The following ZNF273 variants were observed in gnomAD, a reference collection of about 807,000 sequenced individuals.
ZNF273 encodes the protein zinc finger protein 9.
Under a neutral mutation model 14.9 loss-of-function variants are expected in ZNF273, and 11 were observed. The ratio of observed to expected loss-of-function variants is 0.74; its 90% CI spans 0.46 to 1.22. ZNF273 has a LOEUF of 1.22. Among genes scored for constraint, ZNF273 ranks in the 50% most tolerant of loss-of-function variants. The pLI is 0.00. For synonymous variants in ZNF273, 199 were observed against 223.9 expected (o/e 0.89, Z 0.99); for missense variants, 577 against 660.6 (o/e 0.87, Z 1.39).
downstream of ZNF273, among the ~76,000 whole-genome samples, chr7:64,891,124 T>C (rs1792008109): frequency 6.6e-6 from 1 of 152,178 alleles, no homozygotes; most frequent in Non-Finnish European, 1.5e-5. Flanking sequence ...CAGGATGATG[T>C]CTTCTGGGCT....
rs1248102308 is a variant in ZNF273 at position 64,928,876 on chromosome 7, T to C, written c.1548T>C (p.Cys516=). ...RIHTGEKPYK[C]EECGKAFNRS... is the part of the protein sequence containing the mutation. Reference sequence around the variant, plus strand: ...ATACTGGAGAGAAGCCCTACAAATGTGAAGAATGTGGCAAAGCTTTTAACC... The same window carrying C: ...ATACTGGAGAGAAGCCCTACAAATGCGAAGAATGTGGCAAAGCTTTTAACC... The change falls in exon 4 of 4, where the codon TGT becomes TGC. Residue 516 remains cysteine (C), a synonymous_variant. Coordinates refer to ENST00000476120, the MANE Select transcript of ZNF273 (RefSeq NM_021148.3). 6.2e-6 allele frequency: 10 copies of C among 1,614,026 alleles called. No homozygotes were observed. The highest frequency in any genetic ancestry group is 8.5e-6 in the Non-Finnish European group (10 of 1,179,940).
At chr7:64,878,700 C>T (rs1032694849) in intron 2 of ZNF273, among the ~76,000 whole-genome samples, 3 of 152,228 alleles carry the variant, frequency 2.0e-5, no homozygotes, top group Admixed American at 1.3e-4. Flanking sequence ...GCCTCTCTGG[C>T]CGGCTCTTCC....
intron 1 of ZNF273, among the ~76,000 whole-genome samples, chr7:64,905,275 C>T (rs1428534146): frequency 6.6e-6 from 1 of 151,882 alleles, no homozygotes; most frequent in Non-Finnish European, 1.5e-5. Flanking sequence ...GCCGACACAC[C>T]TGGCTAATTT....
downstream of ZNF273, chr7:64,889,462 G>T (rs1288011138): frequency 1.0e-6 from 1 of 985,922 alleles, no homozygotes; most frequent in African/African-American, 1.7e-5. The surrounding 1 kb of genome is among the most constrained non-coding windows in gnomAD (Gnocchi z 4.2). Context: ...CTTTCCTGGG[G>T]CTGCGTCCCC....
chr7:64,911,373 C>T (rs62455121), intron 1 of ZNF273, among the ~76,000 whole-genome samples: 68,088 of 151,102 alleles, frequency 0.45, 15,601 homozygotes, highest in Admixed American at 0.51. Flanking sequence ...AAGTGATTCT[C>T]CTGCTCCAGC....
intron 3 of ZNF273, among the ~76,000 whole-genome samples, chr7:64,920,946 G>C (rs373283168): frequency 1.3e-5 from 2 of 151,950 alleles, no homozygotes; most frequent in South Asian, 2.1e-4. Flanking sequence ...TGTTGTGAGG[G>C]GATAAATGAA....
At chr7:64,897,547 C>G (rs990288991) in exon 4 of ZNF273, 1 of 151,784 alleles carries the variant, frequency 6.6e-6, no homozygotes, top group Non-Finnish European at 1.5e-5. Context: ...AGCATGGTCT[C>G]GATCTCCTGA....
chr7:64,928,029 A>G lies in ZNF273; in HGVS notation c.701A>G (p.Tyr234Cys), dbSNP rs772191333. ...AAAACTGCTACTAGAGTGAATTTCT[A>G]CAAATGTAAGACATGTGGAAAAGCC... ...HKKTATRVNFYKCKTCGKAFN... is the reference protein window; with the variant it reads ...HKKTATRVNFCKCKTCGKAFN... Residue 234 changes from tyrosine to cysteine, a missense_variant, in exon 4 of 4, where the codon TAC becomes TGC. Coordinates refer to ENST00000476120, the MANE Select transcript of ZNF273 (RefSeq NM_021148.3). The G allele has an allele frequency of 1.9e-6, 3 of 1,614,048 alleles. No individual in the cohort carries two copies. The South Asian group carries it at 3.3e-5, about 18-fold the overall frequency.
chr7:64,925,664 T>C (rs910217302), intron 3 of ZNF273, among the ~76,000 whole-genome samples: 7 of 152,034 alleles, frequency 4.6e-5, no homozygotes, highest in African/African-American at 1.7e-4. Context: ...GGTCTCGAAC[T>C]CTTGACCTTG....
chr7:64,888,986 A>G (rs1293279884), downstream of ZNF273: 5 of 985,734 alleles, frequency 5.1e-6, no homozygotes, highest in Non-Finnish European at 6.0e-6. Flanking sequence ...GTCAAGGTTA[A>G]TAAGGGCAAG....
chr7:64,922,738 G>A (rs1794560212), intron 3 of ZNF273, among the ~76,000 whole-genome samples: 1 of 150,840 alleles, frequency 6.6e-6, no homozygotes, highest in Non-Finnish European at 1.5e-5. Context: ...GCCGAGGCGA[G>A]TAGATTACAT....
intron 2 of ZNF273, chr7:64,878,520 TG>T (rs1357739161): frequency 6.6e-6 from 1 of 152,394 alleles, no homozygotes; most frequent in South Asian, 2.1e-4. Flanking sequence ...TGGTGAGGTG[TG>T]GTTGGGATCC....
chr7:64,913,673 G>C (rs565090061), intron 1 of ZNF273, among the ~76,000 whole-genome samples: 1 of 152,206 alleles, frequency 6.6e-6, no homozygotes, highest in East Asian at 1.9e-4. Context: ...TGCTGTGCCT[G>C]CTTCCTCTAA....
At chr7:64,922,200 T>G (rs1794516307) in intron 3 of ZNF273, among the ~76,000 whole-genome samples, 1 of 151,942 alleles carries the variant, frequency 6.6e-6, no homozygotes, top group Non-Finnish European at 1.5e-5. Context: ...TGGTTTGCAG[T>G]GGTGTGATCA....
At chr7:64,890,738 C>T (rs1459776248), downstream of ZNF273, among the ~76,000 whole-genome samples, 3 of 152,124 alleles carry the variant, frequency 2.0e-5, no homozygotes, top group African/African-American at 7.2e-5. Flanking sequence ...TTTTCATCCT[C>T]ATTGTGTGTG....
At chr7:64,913,774 A>C (rs910992982) in intron 1 of ZNF273, among the ~76,000 whole-genome samples, 1 of 152,236 alleles carries the variant, frequency 6.6e-6, no homozygotes, top group Non-Finnish European at 1.5e-5. Flanking sequence ...GCAAACCTGC[A>C]GAATAACATT....
At chr7:64,910,387 T>C (rs923161953) in intron 1 of ZNF273, among the ~76,000 whole-genome samples, 1 of 152,216 alleles carries the variant, frequency 6.6e-6, no homozygotes, top group Non-Finnish European at 1.5e-5. Flanking sequence ...TTCAATCTTA[T>C]ACATAGTACT....
Position 64,927,754 on chromosome 7 carries a change from G to A in ZNF273, c.426G>A (p.Glu142=), listed in dbSNP as rs1794831966. The A allele has an allele frequency of 1.2e-6, 2 of 1,613,466 alleles. No homozygotes were observed. Among genetic ancestry groups the A allele is most frequent in the South Asian group, 1.1e-5 (1 of 90,908 alleles). Residue 142 remains glutamate (E), a synonymous_variant, in exon 4 of 4, where the codon GAG becomes GAA. Coordinates refer to ENST00000476120, the MANE Select transcript of ZNF273 (RefSeq NM_021148.3). ...ILRRYGKYGH[E]NLQLRKGCKS... is the part of the protein sequence containing the mutation. ...GAAGATATGGAAAATATGGACATGA[G>A]AATTTACAATTAAGAAAAGGCTGTA... is the stretch of plus-strand genomic sequence containing the variant.
intron 1 of ZNF273, among the ~76,000 whole-genome samples, chr7:64,905,420 CTTTTTT>C (rs34374261): frequency 2.4e-5 from 2 of 84,190 alleles, no homozygotes; most frequent in African/African-American, 3.9e-5. Flanking sequence ...GCTGGCCACA[CTTTTTT>C]TTTTTTTTTT....
Sources: allele counts gnomAD v4.1 joint callset (sites outside exome capture counted in the v4.1 genomes callset), GRCh38; gene constraint gnomAD v4.1.1; non-coding constraint Gnocchi (gnomAD v3.1); transcripts MANE v1.5; gene names NCBI Gene and HGNC (gene_info 2026-07-23, HGNC 2026-07-21).